Variants in ANKRD12 observed in about 807,000 individuals in gnomAD.
ANKRD12 encodes ankyrin repeat domain-containing protein 12.
In ANKRD12, 85 loss-of-function variants were observed where a neutral mutation model predicts 183.4. That is an observed-to-expected ratio of 0.46 (90% CI 0.39 to 0.56). The LOEUF is 0.56. Ranked by LOEUF, ANKRD12 falls within the 20% of genes least tolerant of loss-of-function variation. The probability of loss-of-function intolerance (pLI) is 0.00; values close to 1 mark genes in which losing one functional copy is unlikely to be tolerated. For synonymous variants in ANKRD12, 914 were observed against 800.2 expected, an observed-to-expected ratio of 1.14 and a Z score of -2.40; for missense variants, 2,405 against 2,357.1, an observed-to-expected ratio of 1.02 and a Z score of -0.42.
At chr18:9,160,038 G>A (rs1445225256) in intron 1 of ANKRD12, among the ~76,000 whole-genome samples, 1 of 152,038 alleles carries the variant, frequency 6.6e-6, no homozygotes, top group African/African-American at 2.4e-5. Context: ...GGGAGTCCGA[G>A]GTGGGCAGAT....
chr18:9,208,333 C>T (rs2035597941), intron 4 of ANKRD12, among the ~76,000 whole-genome samples: 1 of 152,058 alleles, frequency 6.6e-6, no homozygotes, highest in Non-Finnish European at 1.5e-5. Flanking sequence ...AGATGTAATA[C>T]TAAAGAATGT....
intron 2 of ANKRD12, 35 bp from the exon 3 acceptor site, chr18:9,195,516 T>C (rs2034729800): frequency 2.0e-6 from 3 of 1,508,526 alleles, no homozygotes; most frequent in South Asian, 1.3e-5. Context: ...TTAGCTAATA[T>C]TGATATAACT....
intron 10 of ANKRD12, among the ~76,000 whole-genome samples, chr18:9,274,344 C>T (rs1302819250): frequency 6.6e-6 from 1 of 152,188 alleles, no homozygotes; most frequent in African/African-American, 2.4e-5. Context: ...TGCAGTAGAA[C>T]ATACTTTTCA....
intron 10 of ANKRD12, among the ~76,000 whole-genome samples, chr18:9,270,081 T>C (rs1241647858): frequency 2.0e-5 from 3 of 152,330 alleles, no homozygotes; most frequent in East Asian, 3.9e-4. Context: ...TCACACCAGT[T>C]AGAATGGCGA....
rs558879420 is a variant in ANKRD12 at position 9,277,607 on chromosome 18, G to T, written c.5907+1940G>T. 2.6e-5 allele frequency among the ~76,000 whole-genome samples: 4 copies of T among 151,952 alleles called. No homozygotes were observed. The East Asian group carries it at 5.8e-4, about 22-fold the overall frequency. On this transcript the variant is annotated intron_variant, in intron 11 of 12. Coordinates refer to ENST00000262126, the MANE Select transcript of ANKRD12 (RefSeq NM_015208.5). ...CTCCCAAAGTGCTAGGATTACAGGC[G>T]TGAGCCACCGCGCCCGGCCGACACC...
chr18:9,264,573 G>C (rs2039168116), intron 10 of ANKRD12, among the ~76,000 whole-genome samples: 2 of 152,072 alleles, frequency 1.3e-5, no homozygotes, highest in Non-Finnish European at 2.9e-5. Context: ...TTCTGTAACA[G>C]TCTAAGAAAT....
chr18:9,274,315 A>G (rs1447652310), intron 10 of ANKRD12, among the ~76,000 whole-genome samples: 1 of 152,246 alleles, frequency 6.6e-6, no homozygotes, highest in Non-Finnish European at 1.5e-5. Context: ...TGATGAATAA[A>G]TAAAATGTGG....
intron 8 of ANKRD12, among the ~76,000 whole-genome samples, chr18:9,230,544 C>T (rs2036980424): frequency 6.6e-6 from 1 of 151,838 alleles, no homozygotes; most frequent in South Asian, 2.1e-4. Context: ...AGGTGTGTAT[C>T]ACTATAGTGT....
At chr18:9,220,763 G>A (rs367603825) in intron 7 of ANKRD12, among the ~76,000 whole-genome samples, 49 of 152,292 alleles carry the variant, frequency 3.2e-4, no homozygotes, top group African/African-American at 1.1e-3. Flanking sequence ...TGGATGGATC[G>A]CATAATTGTC....
chr18:9,248,554 C>T (rs1350703721), intron 8 of ANKRD12, among the ~76,000 whole-genome samples: 1 of 152,144 alleles, frequency 6.6e-6, no homozygotes, highest in Non-Finnish European at 1.5e-5. Flanking sequence ...CTAATTTCCT[C>T]CTTTATCTTA....
At chr18:9,265,020 G>A (rs1020330324) in intron 10 of ANKRD12, among the ~76,000 whole-genome samples, 8 of 152,222 alleles carry the variant, frequency 5.3e-5, no homozygotes, top group Admixed American at 2.6e-4. Context: ...ACGGAGCCTC[G>A]CTCATTGCTA....
chr18:9,169,915 C>CA (rs1345718904), intron 1 of ANKRD12, among the ~76,000 whole-genome samples: 1 of 152,174 alleles, frequency 6.6e-6, no homozygotes, highest in Non-Finnish European at 1.5e-5. Flanking sequence ...CTGGTAGTGA[C>CA]AAAATCTCTC....
At position 9,186,773 on chromosome 18, in the gene ANKRD12, C is replaced by T. The variant is rs570672324; in HGVS notation, c.87+4254C>T. On this transcript the variant is annotated intron_variant, in intron 2 of 12. Transcript: ENST00000262126. ...GTCTTTTTTTTTTTTTTTTTTTTGA[C>T]GGAGTCTCGCTCTTTTTCCCCGGGC... Among the ~76,000 whole-genome samples, 16 of 124,134 alleles carry T rather than the reference C, an allele frequency of 1.3e-4. No individual in the cohort carries two copies. The South Asian group carries it at 1.7e-3, about 13-fold the overall frequency. 81.4% of individuals were successfully genotyped at this position (124,134 alleles called of 152,430 possible).
At chr18:9,163,378 C>G (rs1363837466) in intron 1 of ANKRD12, among the ~76,000 whole-genome samples, 2 of 152,076 alleles carry the variant, frequency 1.3e-5, no homozygotes, top group Non-Finnish European at 2.9e-5. Context: ...TTTCTGAGTT[C>G]TCTGTTTTGT....
At chr18:9,270,762 T>C (rs1040586467) in intron 10 of ANKRD12, among the ~76,000 whole-genome samples, 2 of 152,094 alleles carry the variant, frequency 1.3e-5, no homozygotes, top group Non-Finnish European at 2.9e-5. Context: ...AACTTAAAAG[T>C]ATAATATAAA....
chr18:9,272,468 A>G (rs1224893379), intron 10 of ANKRD12, among the ~76,000 whole-genome samples: 1 of 152,126 alleles, frequency 6.6e-6, no homozygotes, highest in Non-Finnish European at 1.5e-5. Flanking sequence ...AATCTGAGGC[A>G]GGAGAATCAC....
At chr18:9,274,208 C>G (rs2039727500) in intron 10 of ANKRD12, among the ~76,000 whole-genome samples, 1 of 152,248 alleles carries the variant, frequency 6.6e-6, no homozygotes, top group Non-Finnish European at 1.5e-5. Flanking sequence ...AGCCTGCTGA[C>G]TTCAGATTGC....
At chr18:9,279,704 ACTC>A in intron 12 of ANKRD12, 60 bp downstream of exon 12, 1 of 956,080 alleles carries the variant, frequency 1.0e-6, no homozygotes, top group Non-Finnish European at 1.6e-6. Flanking sequence ...AAAAAAAAAA[ACTC>A]TACAGCTGTA....
At chr18:9,244,638 T>C (rs2037851883) in intron 8 of ANKRD12, among the ~76,000 whole-genome samples, 1 of 152,252 alleles carries the variant, frequency 6.6e-6, no homozygotes, top group Non-Finnish European at 1.5e-5. Flanking sequence ...GAGTTCATTG[T>C]GTCATGCTGT....
Sources: gnomAD v4.1 joint callset for allele counts (sites outside exome capture counted in the v4.1 genomes callset) on GRCh38, gnomAD v4.1.1 for gene constraint, MANE v1.5 for transcripts, NCBI Gene and HGNC (gene_info 2026-07-23, HGNC 2026-07-21) for gene names.